GRM4: variants seen among roughly 807,000 people sequenced by gnomAD.
GRM4 encodes the protein glutamate metabotropic receptor 4.
In GRM4, 28 loss-of-function variants were observed where a neutral mutation model predicts 81.7. That is an observed-to-expected ratio of 0.34 (90% CI 0.25 to 0.47). The LOEUF (loss-of-function observed/expected upper bound fraction) is 0.47, where lower values mean the gene tolerates loss of function less well. GRM4 is among the 20% of genes least tolerant of loss of function. GRM4 has a pLI of 1.00. For missense variants in GRM4, 948 were observed against 1,290.0 expected, an observed-to-expected ratio of 0.73 and a Z score of 4.06; for synonymous variants, 488 against 528.8, an observed-to-expected ratio of 0.92 and a Z score of 1.06.
chr6:34,023,754 C>A (rs528634019), intron 10 of GRM4, among the ~76,000 whole-genome samples: 2 of 152,330 alleles, frequency 1.3e-5, no homozygotes, highest in African/African-American at 4.8e-5. Flanking sequence ...AGAGTGCAGA[C>A]CCCACAGCAG....
intron 2 of GRM4, among the ~76,000 whole-genome samples, chr6:34,123,384 C>T (rs57726874): frequency 0.022 from 3,392 of 152,252 alleles, 102 homozygotes; most frequent in African/African-American, 0.069. Flanking sequence ...CCACACCCCT[C>T]GAACGCCCCT....
At chr6:34,096,305 C>G (rs1768514553) in intron 2 of GRM4, among the ~76,000 whole-genome samples, 1 of 152,150 alleles carries the variant, frequency 6.6e-6, no homozygotes, top group Non-Finnish European at 1.5e-5. Context: ...CCCCAGAGTC[C>G]ATGACCTCAT....
At chr6:34,140,965 G>A (rs1227366090) in intron 1 of GRM4, among the ~76,000 whole-genome samples, 1 of 152,236 alleles carries the variant, frequency 6.6e-6, no homozygotes, top group Non-Finnish European at 1.5e-5. Context: ...GTCAGGCACT[G>A]AAAAGAGGCA....
chr6:34,044,077 GACACAC>G (rs139572683), intron 6 of GRM4, among the ~76,000 whole-genome samples: 1 of 144,452 alleles, frequency 6.9e-6, no homozygotes, highest in African/African-American at 2.6e-5. Context: ...TATATACACA[GACACAC>G]ACACACACAT....
At chr6:34,132,872 A>C in intron 2 of GRM4, 106 bp downstream of exon 2, 1 of 906,446 alleles carries the variant, frequency 1.1e-6, no homozygotes, top group Non-Finnish European at 1.7e-6. Flanking sequence ...AGAGTGAGGA[A>C]AAAAGGAGGA....
Position 34,091,718 on chromosome 6 carries a change from C to T in GRM4, c.736+165G>A, listed in dbSNP as rs975119793. ...GGAGTCACCCAGAGCCCAGTGAGGC[C>T]ATGGACCAAACCACAGTGCTCAAAG... is the stretch of plus-strand genomic sequence containing the variant. On this transcript the variant is annotated intron_variant, in intron 3 of 10. Transcript: ENST00000538487. 3.3e-4 allele frequency: 199 copies of T among 609,672 alleles called. 3 individuals carry two copies. In the South Asian group the frequency reaches 3.8e-3, roughly 12 times the overall value. 37.8% of individuals were successfully genotyped at this position (609,672 alleles called of 1,614,324 possible). A position where few individuals can be genotyped will look rare whatever the true frequency, so the allele number is the denominator to read the frequency against.
chr6:34,106,376 C>T (rs1245147268), intron 2 of GRM4, among the ~76,000 whole-genome samples: 1 of 150,722 alleles, frequency 6.6e-6, no homozygotes, highest in African/African-American at 2.4e-5. Context: ...GATCGCACCA[C>T]TGCACTCCAA....
intron 2 of GRM4, among the ~76,000 whole-genome samples, chr6:34,099,515 G>C (rs1214888581): frequency 4.6e-5 from 7 of 152,106 alleles, no homozygotes; most frequent in African/African-American, 1.7e-4. Flanking sequence ...GGGACTAGCA[G>C]GGGGGTGCAG....
upstream of GRM4, chr6:34,146,130 G>A (rs1770923233): frequency 2.0e-6 from 2 of 985,430 alleles, no homozygotes; most frequent in African/African-American, 1.7e-5. Context: ...CCACCCTGGT[G>A]CGTCACTGGA....
intron 2 of GRM4, among the ~76,000 whole-genome samples, chr6:34,118,104 T>C (rs1769667417): frequency 1.3e-5 from 2 of 152,184 alleles, no homozygotes; most frequent in Admixed American, 6.5e-5. Flanking sequence ...TGGAAGGAAA[T>C]ACACACATGT....
chr6:34,061,933 C>T lies in GRM4; in HGVS notation c.832G>A (p.Ala278Thr), dbSNP rs773341832. The T allele has an allele frequency of 1.9e-6, 3 of 1,613,594 alleles. No homozygotes were observed. The highest frequency in any genetic ancestry group is 1.7e-6 in the Non-Finnish European group (2 of 1,179,722). Residue 278 changes from alanine to threonine, a missense_variant, in exon 4 of 11, where the codon GCC (alanine) becomes ACC (threonine). Ala to Thr is a moderately conservative substitution (Grantham distance 58). Transcript: ENST00000538487. Reference protein sequence around the residue: ...IIRRLLETSNARAVIIFANED... With the variant: ...IIRRLLETSNTRAVIIFANED... ...TTGGCAAAGATGATGACTGCCCTGG[C>T]GTTCGAAGTCTCCAGGAGGCGGCGG...
intron 2 of GRM4, among the ~76,000 whole-genome samples, chr6:34,094,069 G>C (rs1374865264): frequency 6.6e-6 from 1 of 152,234 alleles, no homozygotes; most frequent in Non-Finnish European, 1.5e-5. Context: ...GCTGTGAAAA[G>C]GAATGAGGCT....
chr6:34,116,022 C>A (rs1202105058), intron 2 of GRM4, among the ~76,000 whole-genome samples: 1 of 152,200 alleles, frequency 6.6e-6, no homozygotes, highest in Non-Finnish European at 1.5e-5. Context: ...TTCTGGGGCA[C>A]AGACTCAGAA....
intron 2 of GRM4, among the ~76,000 whole-genome samples, chr6:34,113,664 G>A (rs1050564084): frequency 2.6e-5 from 4 of 152,188 alleles, no homozygotes; most frequent in Non-Finnish European, 5.9e-5. Context: ...GCTTTCTGTG[G>A]AGCAGAGCTG....
Position 34,070,779 on chromosome 6 carries a change from G to A in GRM4, c.737-8751C>T, listed in dbSNP as rs545813446. On this transcript the variant is annotated intron_variant, in intron 3 of 10. Coordinates refer to ENST00000538487, the MANE Select transcript of GRM4 (RefSeq NM_000841.4). This position sits in a 1 kb window ranked among gnomAD's most constrained non-coding sequence, Gnocchi z 4.6. ...CTCTCAGCACCCCCACCACACCCCC[G>A]CCACACCCCCAGCCACACACACACA... 4.8e-4 allele frequency among the ~76,000 whole-genome samples: 57 copies of A among 117,846 alleles called. No homozygotes were observed. The highest frequency in any genetic ancestry group is 1.8e-3 in the Admixed American group (20 of 10,998). The allele number at this position is 117,846 out of a possible 152,430, so 77.3% of individuals were successfully genotyped here. A position where few individuals can be genotyped will look rare whatever the true frequency, so the allele number is the denominator to read the frequency against.
At chr6:34,097,128 C>G (rs977617141) in intron 2 of GRM4, among the ~76,000 whole-genome samples, 4 of 152,270 alleles carry the variant, frequency 2.6e-5, no homozygotes, top group Non-Finnish European at 4.4e-5. Flanking sequence ...TAGATGGAGG[C>G]AGGTCATGCA....
At chr6:34,141,702 G>T (rs1307208241) in intron 1 of GRM4, among the ~76,000 whole-genome samples, 5 of 151,944 alleles carry the variant, frequency 3.3e-5, no homozygotes, top group African/African-American at 9.7e-5. Flanking sequence ...GGGCAGGGCC[G>T]CGGGGTGGGC....
chr6:34,057,907 T>A (rs2127459835), intron 5 of GRM4, among the ~76,000 whole-genome samples: 1 of 152,266 alleles, frequency 6.6e-6, no homozygotes. Context: ...GTTATTGTTA[T>A]GTTGTGTTTA....
chr6:34,039,868 C>G (rs1764912452), intron 8 of GRM4, among the ~76,000 whole-genome samples: 1 of 151,132 alleles, frequency 6.6e-6, no homozygotes, highest in Non-Finnish European at 1.5e-5. Flanking sequence ...CCATTTCACA[C>G]TGGTGTGAAT....
Sources: allele counts gnomAD v4.1 joint callset (sites outside exome capture counted in the v4.1 genomes callset), GRCh38; gene constraint gnomAD v4.1.1; non-coding constraint Gnocchi (gnomAD v3.1); transcripts MANE v1.5; gene names NCBI Gene and HGNC (gene_info 2026-07-23, HGNC 2026-07-21).